Variants in FNDC3B observed in about 807,000 individuals in gnomAD.
The protein encoded by FNDC3B is fibronectin type III domain containing 3B.
A neutral mutation model predicts 151.5 loss-of-function variants in FNDC3B; 12 were observed. The observed-to-expected ratio is 0.08, with a 90% confidence interval of 0.05 to 0.13. The LOEUF (loss-of-function observed/expected upper bound fraction) is 0.13, where lower values mean the gene tolerates loss of function less well. Among genes scored for constraint, FNDC3B ranks in the 10% least tolerant of loss-of-function variants. FNDC3B has a pLI of 1.00. For synonymous variants in FNDC3B, 528 were observed against 549.0 expected, an observed-to-expected ratio of 0.96 and a Z score of 0.54; for missense variants, 1,214 against 1,505.3, an observed-to-expected ratio of 0.81 and a Z score of 3.20.
intron 25 of FNDC3B, among the ~76,000 whole-genome samples, chr3:172,382,229 C>T (rs755882435): frequency 3.2e-4 from 49 of 152,234 alleles, no homozygotes; most frequent in Middle Eastern, 3.4e-3. Flanking sequence ...CAAGTGATGA[C>T]GAGCTTTTTT....
chr3:172,145,323 T>C (rs562197395), intron 3 of FNDC3B, among the ~76,000 whole-genome samples: 61 of 152,346 alleles, frequency 4.0e-4, no homozygotes, highest in African/African-American at 1.4e-3. Context: ...GAGTGGAAAC[T>C]TAAATCAAAA....
intron 6 of FNDC3B, among the ~76,000 whole-genome samples, chr3:172,264,982 A>G (rs544718675): frequency 3.9e-5 from 6 of 152,296 alleles, no homozygotes; most frequent in Admixed American, 1.3e-4. Context: ...TAGGAGGTAA[A>G]CAACCTCGAT....
chr3:172,195,648 C>T (rs1489137826), intron 3 of FNDC3B, among the ~76,000 whole-genome samples: 1 of 152,206 alleles, frequency 6.6e-6, no homozygotes, highest in African/African-American at 2.4e-5. Context: ...AAACTCTGTT[C>T]TTGACTATTG....
chr3:172,146,865 C>T (rs375538064), intron 3 of FNDC3B, among the ~76,000 whole-genome samples: 5 of 152,284 alleles, frequency 3.3e-5, no homozygotes, highest in East Asian at 3.9e-4. Context: ...TTACTGCTTT[C>T]GGCAGAGTAC....
intron 23 of FNDC3B, among the ~76,000 whole-genome samples, chr3:172,375,745 C>T (rs6788698): frequency 0.24 from 35,993 of 151,920 alleles, 5,088 homozygotes; most frequent in East Asian, 0.56. Flanking sequence ...ACTGCTTAGA[C>T]GCATGCTTAT....
At chr3:172,337,270 T>C in intron 15 of FNDC3B, 60 bp from the exon 16 acceptor site, 1 of 1,154,144 alleles carries the variant, frequency 8.7e-7, no homozygotes. Context: ...GTCCTGATGA[T>C]GTTTACCAAT....
chr3:172,310,817 AT>A lies in FNDC3B; in HGVS notation c.1201-3del, dbSNP rs748411312. On this transcript the variant is annotated splice_polypyrimidine_tract_variant and intron_variant, in intron 10 of 25. Transcript: ENST00000415807. ...CAACTTTCTCTAATCTCATGTTACTATTTTTTTTAGGCACCAATTGACAACG... is the reference window on the plus strand; with the variant it reads ...CAACTTTCTCTAATCTCATGTTACTATTTTTTTAGGCACCAATTGACAACG... The A allele has an allele frequency of 1.2e-4, 189 of 1,595,316 alleles. No homozygotes were observed. Among genetic ancestry groups the A allele is most frequent in the South Asian group, 2.0e-4 (18 of 90,608 alleles).
At chr3:172,366,788 A>G (rs1254126313) in intron 23 of FNDC3B, among the ~76,000 whole-genome samples, 1 of 152,198 alleles carries the variant, frequency 6.6e-6, no homozygotes, top group Non-Finnish European at 1.5e-5. Flanking sequence ...GTGAGTCTTA[A>G]AGGATGCCAG....
At chr3:172,155,422 A>G (rs1456921656) in intron 3 of FNDC3B, among the ~76,000 whole-genome samples, 1 of 152,076 alleles carries the variant, frequency 6.6e-6, no homozygotes, top group Non-Finnish European at 1.5e-5. Flanking sequence ...TGTTTTCTGG[A>G]TTGTTCAGCC....
At chr3:172,282,193 A>G (rs1254497449) in intron 6 of FNDC3B, among the ~76,000 whole-genome samples, 1 of 152,144 alleles carries the variant, frequency 6.6e-6, no homozygotes, top group African/African-American at 2.4e-5. Flanking sequence ...TCACTTTAAA[A>G]CAAATTTTAT....
chr3:172,181,208 T>C (rs901789492), intron 3 of FNDC3B, among the ~76,000 whole-genome samples: 2 of 151,436 alleles, frequency 1.3e-5, no homozygotes, highest in Admixed American at 6.6e-5. Context: ...GAGACCAGCC[T>C]GGATACCACG....
At chr3:172,365,387 C>T (rs1734565831) in intron 23 of FNDC3B, among the ~76,000 whole-genome samples, 1 of 152,094 alleles carries the variant, frequency 6.6e-6, no homozygotes, top group Admixed American at 6.5e-5. Flanking sequence ...ATGATATATC[C>T]CGCTTGTGGC....
At chr3:172,078,365 T>G (rs1388289509) in intron 1 of FNDC3B, among the ~76,000 whole-genome samples, 1 of 152,192 alleles carries the variant, frequency 6.6e-6, no homozygotes, top group Non-Finnish European at 1.5e-5. Flanking sequence ...TTGTACTAAT[T>G]CTTAAAATGA....
chr3:172,083,010 G>A (rs1482928130), intron 1 of FNDC3B, among the ~76,000 whole-genome samples: 15 of 152,176 alleles, frequency 9.9e-5, no homozygotes, highest in Admixed American at 9.8e-4. Flanking sequence ...AGGAAACTAG[G>A]CATGCTGTTA....
In FNDC3B at chr3:172,330,672, A is replaced by G; in HGVS notation, c.1511A>G (p.Glu504Gly). The stretch of plus-strand genomic sequence containing the variant: ...AGTAAGCCAGAAGGCTGTTCACCCG[A>G]GGAAGTGATCACCTACACCTTGGAA... ...QWSKPEGCSP[E>G]EVITYTLEIQ... The change falls in exon 13 of 26, where the codon GAG (glutamate) becomes GGG (glycine). Residue 504 changes from glutamate to glycine, a missense_variant. Around this residue, in one of 7 missense-constraint regions of FNDC3B, gnomAD observed 111 missense variants for 96.8 expected, o/e 1.15. Coordinates refer to ENST00000415807, the MANE Select transcript of FNDC3B (RefSeq NM_022763.4). 6.2e-7 allele frequency: 1 copy of G among 1,614,152 alleles called. No homozygotes were observed. Among genetic ancestry groups the G allele is most frequent in the South Asian group, 1.1e-5 (1 of 91,070 alleles).
intron 3 of FNDC3B, among the ~76,000 whole-genome samples, chr3:172,184,618 G>A (rs765577702): frequency 4.6e-5 from 7 of 152,154 alleles, no homozygotes; most frequent in Non-Finnish European, 7.3e-5. Flanking sequence ...AAACCAGAAA[G>A]GCTAATTGTT....
At chr3:172,198,702 C>T (rs780058796) in intron 3 of FNDC3B, among the ~76,000 whole-genome samples, 7 of 152,168 alleles carry the variant, frequency 4.6e-5, no homozygotes, top group African/African-American at 1.2e-4. Flanking sequence ...CTCCATGTTG[C>T]GCTGTTCCCA....
In FNDC3B at chr3:172,399,150, T is replaced by G. The variant is rs1736437615; in HGVS notation, c.*1675T>G. On this transcript the variant is annotated 3_prime_UTR_variant, in exon 26 of 26. Transcript: ENST00000415807. ...AAACAAACATTATTTTGTTTTTGGTTTATTTATACTATATTCTGCATACAG... is the reference window on the plus strand; with the variant it reads ...AAACAAACATTATTTTGTTTTTGGTGTATTTATACTATATTCTGCATACAG... 1 of 152,662 alleles carries G rather than the reference T, an allele frequency of 6.6e-6. No individual in the cohort carries two copies. Among genetic ancestry groups the G allele is most frequent in the Non-Finnish European group, 1.5e-5 (1 of 68,044 alleles). The allele number at this position is 152,662 out of a possible 1,614,324, so 9.5% of individuals were successfully genotyped here. A position where few individuals can be genotyped will look rare whatever the true frequency, so the allele number is the denominator to read the frequency against.
intron 1 of FNDC3B, among the ~76,000 whole-genome samples, chr3:172,097,446 T>G (rs540490396): frequency 6.6e-6 from 1 of 152,234 alleles, no homozygotes. Flanking sequence ...TTGTATGTGG[T>G]GGTTTGAAAG....
Sources: gnomAD v4.1 joint callset for allele counts (sites outside exome capture counted in the v4.1 genomes callset) on GRCh38, gnomAD v4.1.1 for gene constraint, gnomAD v4.1.1 regional missense constraint, MANE v1.5 for transcripts, NCBI Gene and HGNC (gene_info 2026-07-23, HGNC 2026-07-21) for gene names.